MYOM2: variants seen among roughly 807,000 people sequenced by gnomAD.
MYOM2 encodes the protein myomesin-2.
MYOM2 carries 254 observed loss-of-function variants against 187.6 expected under a neutral mutation model. That is an observed-to-expected ratio of 1.35 (90% CI 1.22 to 1.50). The LOEUF (loss-of-function observed/expected upper bound fraction) is 1.50. Ranked by LOEUF, MYOM2 falls within the 40% of genes most tolerant of loss-of-function variation. The pLI is 0.00. For missense variants in MYOM2, 2,796 were observed against 1,924.0 expected, an observed-to-expected ratio of 1.45 and a Z score of -8.48; for synonymous variants, 981 against 753.8, an observed-to-expected ratio of 1.30 and a Z score of -4.94.
intron 14 of MYOM2, among the ~76,000 whole-genome samples, chr8:2,086,658 G>C (rs1047294650): frequency 1.3e-5 from 2 of 152,278 alleles, no homozygotes; most frequent in Non-Finnish European, 2.9e-5. Context: ...GCACCAGGGG[G>C]CTGGGTTGCG....
rs372322964 is a variant in MYOM2, at chr8:2,123,237, C to A, written c.3454-15C>A. On this transcript the variant is annotated splice_polypyrimidine_tract_variant and intron_variant, in intron 28 of 36. Coordinates refer to ENST00000262113, the MANE Select transcript of MYOM2 (RefSeq NM_003970.4). ...GAATGATTTACACACTAAACTTAAG[C>A]TTTCTACCTCACAGGTTGCAAACAC... 15 of 1,557,288 alleles carry A rather than the reference C, an allele frequency of 9.6e-6. No homozygotes were observed. The African/African-American group carries it at 1.8e-4, about 18-fold the overall frequency.
intron 31 of MYOM2, among the ~76,000 whole-genome samples, chr8:2,126,551 C>A (rs1431862708): frequency 1.3e-5 from 2 of 152,160 alleles, no homozygotes; most frequent in Non-Finnish European, 2.9e-5. Context: ...CTCATATGGG[C>A]ACACACTTGT....
At chr8:2,141,317 C>A in intron 34 of MYOM2, 140 bp downstream of exon 34, 3 of 655,990 alleles carry the variant, frequency 4.6e-6, no homozygotes, top group Non-Finnish European at 7.9e-6. Flanking sequence ...GGAATTTAAG[C>A]AATGCAGTAT....
Position 2,059,195 on chromosome 8 carries a change from A to T in MYOM2, c.603A>T (p.Gly201=), listed in dbSNP as rs1358960462. ...GSLICQAAEP[G]KYRIESNYGV... is the part of the protein sequence containing the mutation. The stretch of plus-strand genomic sequence containing the variant: ...TGATTTGCCAGGCGGCTGAACCGGG[A>T]AAGTACAGGATTGAGAGCAACTATG... The change falls in exon 6 of 37, where the codon GGA becomes GGT. Residue 201 remains glycine (G), a synonymous_variant. Transcript: ENST00000262113. 6.2e-7 allele frequency: 1 copy of T among 1,614,190 alleles called. No homozygotes were observed.
chr8:2,102,577 A>C, intron 20 of MYOM2, 90 bp from the exon 21 acceptor site: 1 of 759,534 alleles, frequency 1.3e-6, no homozygotes, highest in African/African-American at 1.7e-5. Flanking sequence ...GCTATTTTTG[A>C]AAAGGCCCTA....
At chr8:2,136,161 C>G (rs1008009483) in intron 32 of MYOM2, among the ~76,000 whole-genome samples, 2 of 152,214 alleles carry the variant, frequency 1.3e-5, no homozygotes, top group African/African-American at 4.8e-5. Context: ...AGAACGCCAA[C>G]ATGGGCAGCT....
intron 14 of MYOM2, among the ~76,000 whole-genome samples, chr8:2,086,726 C>T (rs1178452396): frequency 6.6e-6 from 1 of 152,226 alleles, no homozygotes; most frequent in Non-Finnish European, 1.5e-5. Flanking sequence ...CTCTGGGCGC[C>T]CGCGTTCTTC....
chr8:2,125,830 C>T (rs1274275717), intron 31 of MYOM2, among the ~76,000 whole-genome samples: 1 of 151,428 alleles, frequency 6.6e-6, no homozygotes, highest in Non-Finnish European at 1.5e-5. Context: ...GGATGGTCTC[C>T]ATTTCCTGAC....
chr8:2,048,983 G>C (rs934530666), intron 1 of MYOM2, among the ~76,000 whole-genome samples: 13 of 151,986 alleles, frequency 8.6e-5, no homozygotes, highest in Middle Eastern at 3.4e-3. Flanking sequence ...AGTAGAGACG[G>C]GGTTTCACCA....
In MYOM2 at chr8:2,063,049, A is replaced by T. The variant is rs75979943; in HGVS notation, c.653+3804A>T. On this transcript the variant is annotated intron_variant, in intron 6 of 36. Coordinates refer to ENST00000262113, the MANE Select transcript of MYOM2 (RefSeq NM_003970.4). ...TGATGGACTTGGATTTTGCTTGCAT[A>T]TGCAAATATTTGGGAAACTTGGGAA... 1.7e-3 allele frequency among the ~76,000 whole-genome samples: 265 copies of T among 152,304 alleles called. 3 individuals are homozygous for T. In the East Asian group the frequency reaches 0.03, roughly 17 times the overall value.
intron 11 of MYOM2, among the ~76,000 whole-genome samples, chr8:2,076,908 G>T (rs1407064784): frequency 6.6e-6 from 1 of 152,228 alleles, no homozygotes; most frequent in Non-Finnish European, 1.5e-5. Flanking sequence ...GTACTGCACA[G>T]AGCCAGTGGG....
In MYOM2 at chr8:2,102,844, T is replaced by C. The variant is rs918106103; in HGVS notation, c.2734+63T>C. 9.5e-6 allele frequency: 12 copies of C among 1,268,318 alleles called. No homozygotes were observed. The African/African-American group carries it at 1.3e-4, about 14-fold the overall frequency. The allele number at this position is 1,268,318 out of a possible 1,614,324, so 78.6% of individuals were successfully genotyped here. On this transcript the variant is annotated intron_variant, in intron 21 of 36. Coordinates refer to ENST00000262113, the MANE Select transcript of MYOM2 (RefSeq NM_003970.4). ...TTGTGGGGAGAGTGTGCATGTATTA[T>C]GGATGTATGGATGAGGGTGTGTGGA...
Position 2,106,569 on chromosome 8 carries a change from G to A in MYOM2, c.2970G>A (p.Val990=), listed in dbSNP as rs756892642. 3.1e-6 allele frequency: 5 copies of A among 1,608,590 alleles called. No individual in the cohort carries two copies. In the South Asian group the frequency reaches 4.4e-5, roughly 14 times the overall value. Residue 990 remains valine, a synonymous_variant, in exon 23 of 37, where the codon GTG becomes GTA. Transcript: ENST00000262113. ...TGTCTGTAAGTGATACAGACGGAGTGTCCTCCAGTTTTGTTCTGGACCCAG... is the reference window on the plus strand; with the variant it reads ...TGTCTGTAAGTGATACAGACGGAGTATCCTCCAGTTTTGTTCTGGACCCAG... ...YSVSVSDTDG[V]SSSFVLDPEE... is the part of the protein sequence containing the mutation.
chr8:2,139,033 GCA>G (rs1160474105), intron 32 of MYOM2, among the ~76,000 whole-genome samples: 1 of 137,300 alleles, frequency 7.3e-6, no homozygotes, highest in Non-Finnish European at 1.6e-5. Flanking sequence ...CACACTGCCA[GCA>G]CCACCACCAG....
At chr8:2,051,247 T>A (rs191860830) in intron 2 of MYOM2, among the ~76,000 whole-genome samples, 4 of 152,126 alleles carry the variant, frequency 2.6e-5, no homozygotes, top group Non-Finnish European at 1.5e-5. Flanking sequence ...GAGAAGTTAA[T>A]GGGTGGCAGA....
chr8:2,053,116 C>G (rs1021869100), intron 3 of MYOM2, among the ~76,000 whole-genome samples: 1 of 152,146 alleles, frequency 6.6e-6, no homozygotes, highest in Non-Finnish European at 1.5e-5. Context: ...TTCTCTATAT[C>G]TTCAAAGCAT....
At chr8:2,133,195 C>T (rs972541086) in intron 32 of MYOM2, among the ~76,000 whole-genome samples, 2 of 152,238 alleles carry the variant, frequency 1.3e-5, no homozygotes, top group African/African-American at 4.8e-5. Context: ...TCCCCTCAGG[C>T]TGTCCCATCT....
intron 6 of MYOM2, among the ~76,000 whole-genome samples, chr8:2,059,954 C>T (rs1230131523): frequency 1.3e-5 from 2 of 152,226 alleles, no homozygotes; most frequent in South Asian, 4.1e-4. Context: ...GTTGGTCAGG[C>T]TGGTCTCGAA....
At chr8:2,131,699 A>G (rs1406447024) in intron 32 of MYOM2, among the ~76,000 whole-genome samples, 1 of 141,816 alleles carries the variant, frequency 7.1e-6, no homozygotes, top group African/African-American at 2.7e-5. Context: ...GCTGGAGTGC[A>G]GTGGTGCGAT....
Sources: allele counts gnomAD v4.1 joint callset (sites outside exome capture counted in the v4.1 genomes callset), GRCh38; gene constraint gnomAD v4.1.1; transcripts MANE v1.5; gene names NCBI Gene and HGNC (gene_info 2026-07-23, HGNC 2026-07-21).